The following STEAP3 variants were observed in gnomAD, a reference collection of about 807,000 sequenced individuals.
STEAP3 encodes STEAP3 metalloreductase.
In STEAP3, 35 loss-of-function variants were observed where a neutral mutation model predicts 34.9. The ratio of observed to expected loss-of-function variants is 1.00; its 90% CI spans 0.76 to 1.33. The LOEUF is 1.33. Among genes scored for constraint, STEAP3 ranks in the 40% most tolerant of loss-of-function variants. The pLI, the probability that STEAP3 is intolerant of heterozygous loss-of-function variation, is 0.00. For missense variants in STEAP3, 652 were observed against 667.6 expected (o/e 0.98, Z 0.26); for synonymous variants, 281 against 301.6 (o/e 0.93, Z 0.71).
At chr2:119,224,834 A>G (rs546916523) in intron 1 of STEAP3, among the ~76,000 whole-genome samples, 4 of 152,340 alleles carry the variant, frequency 2.6e-5, no homozygotes, top group African/African-American at 9.6e-5. Context: ...AAGGGCTTTG[A>G]GCACAATATC....
intron 4 of STEAP3, among the ~76,000 whole-genome samples, chr2:119,251,951 C>T (rs1867856): frequency 0.31 from 47,505 of 152,056 alleles, 8,895 homozygotes; most frequent in East Asian, 0.67. Flanking sequence ...ATTTTTCTTA[C>T]ACACTACTTC....
chr2:119,246,350 A>C, intron 3 of STEAP3: 1 of 248,582 alleles, frequency 4.0e-6, no homozygotes, highest in Non-Finnish European at 7.8e-6. Flanking sequence ...GGAAAGTAAC[A>C]CACTTATGTA....
At position 119,230,804 on chromosome 2, in the gene STEAP3, C is replaced by T. The variant is rs1330812860; in HGVS notation, c.-209C>T. On this transcript the variant is annotated 5_prime_UTR_variant, in exon 2 of 6. Transcript: ENST00000393110. ...CCAACCAAGCATCAGTCACCACTCC[C>T]GGTCCAGCCCCTGTGGCCAAGAGCT... 1.7e-5 allele frequency: 11 copies of T among 642,422 alleles called. No individual in the cohort carries two copies. The highest frequency in any genetic ancestry group is 7.1e-5 in the Admixed American group (3 of 42,542). The allele number at this position is 642,422 out of a possible 1,614,324, so 39.8% of individuals were successfully genotyped here.
At chr2:119,245,281 C>T (rs1322412396) in intron 2 of STEAP3, 2 of 622,710 alleles carry the variant, frequency 3.2e-6, no homozygotes, top group African/African-American at 3.6e-5. Flanking sequence ...GAAGTCATCC[C>T]TGCTCTTCCT....
chr2:119,237,178 T>C (rs1180100149), intron 2 of STEAP3, among the ~76,000 whole-genome samples: 1 of 152,176 alleles, frequency 6.6e-6, no homozygotes, highest in Non-Finnish European at 1.5e-5. Context: ...TCTGGATTTA[T>C]TCAGGATCAG....
intron 2 of STEAP3, 59 bp downstream of exon 2, chr2:119,231,093 C>T: frequency 6.2e-7 from 1 of 1,610,764 alleles, no homozygotes; most frequent in South Asian, 1.1e-5. Context: ...ACCCCTCCCA[C>T]CAGCTCCCTC....
At chr2:119,227,355 G>A (rs77599087) in intron 1 of STEAP3, among the ~76,000 whole-genome samples, 3,822 of 152,304 alleles carry the variant, frequency 0.025, 64 homozygotes, top group Middle Eastern at 0.11. Flanking sequence ...CTCTTCAGGT[G>A]TGGCCTGGTC....
intron 2 of STEAP3, among the ~76,000 whole-genome samples, chr2:119,231,738 A>T (rs781034546): frequency 3.3e-5 from 5 of 152,118 alleles, no homozygotes; most frequent in Non-Finnish European, 7.4e-5. Flanking sequence ...TAATTTTTTA[A>T]TGATGTCTAA....
At position 119,234,431 on chromosome 2, in the gene STEAP3, GC is replaced by G. The variant is rs537239405; in HGVS notation, c.22+3402del. Among the ~76,000 whole-genome samples, 657 of 152,296 alleles carry G rather than the reference GC, an allele frequency of 4.3e-3. 5 individuals are homozygous for G. The highest frequency in any genetic ancestry group is 0.015 in the African/African-American group (626 of 41,566). ...TTAACTGGCCCATAGGGAGCTGGCT[GC>G]CCCCACAAGCCAGCTCCCTGGCCTC... is the stretch of plus-strand genomic sequence containing the variant. On this transcript the variant is annotated intron_variant, in intron 2 of 5. Coordinates refer to ENST00000393110, the MANE Select transcript of STEAP3 (RefSeq NM_182915.3).
intron 3 of STEAP3, chr2:119,247,019 G>A (rs1234844109): frequency 6.6e-6 from 1 of 152,358 alleles, no homozygotes; most frequent in African/African-American, 2.4e-5. Flanking sequence ...TAGAGTAGGT[G>A]TTCAGTCTGT....
At chr2:119,243,819 G>C (rs748306940) in intron 2 of STEAP3, among the ~76,000 whole-genome samples, 2 of 152,168 alleles carry the variant, frequency 1.3e-5, no homozygotes, top group Non-Finnish European at 2.9e-5. Flanking sequence ...CCAGCCTCCT[G>C]GTTCCCCTGC....
intron 1 of STEAP3, among the ~76,000 whole-genome samples, chr2:119,230,218 C>G (rs1210898316): frequency 6.6e-6 from 1 of 152,212 alleles, no homozygotes; most frequent in Admixed American, 6.5e-5. Flanking sequence ...TTCCAAACCT[C>G]CAGCCTCCTT....
intron 1 of STEAP3, among the ~76,000 whole-genome samples, chr2:119,230,250 A>G (rs1676869625): frequency 1.3e-5 from 2 of 152,320 alleles, no homozygotes; most frequent in South Asian, 2.1e-4. Flanking sequence ...TGTGGCCTCC[A>G]AGGTCCACTG....
chr2:119,242,080 C>G (rs1158623134), intron 2 of STEAP3, among the ~76,000 whole-genome samples: 2 of 152,190 alleles, frequency 1.3e-5, no homozygotes, highest in Non-Finnish European at 1.5e-5. Flanking sequence ...CCAACCCACA[C>G]TAGATTGTAA....
rs766715060 is a variant in STEAP3 at position 119,248,135 on chromosome 2, G to A, written c.979G>A (p.Ala327Thr). 8.1e-6 allele frequency: 13 copies of A among 1,607,984 alleles called. No homozygotes were observed. The highest frequency in any genetic ancestry group is 3.3e-5 in the Admixed American group (2 of 59,964). ...CAGCTTCTTCTGCGCCGCCCTGCACGCCCTCTACAGCTTCTGCTTGCCGCT... is the reference window on the plus strand; with the variant it reads ...CAGCTTCTTCTGCGCCGCCCTGCACACCCTCTACAGCTTCTGCTTGCCGCT... ...LLSFFCAALH[A>T]LYSFCLPLRR... The change falls in exon 4 of 6, where the codon GCC becomes ACC. Residue 327 changes from alanine to threonine, a missense_variant. Ala to Thr is a moderately conservative substitution (Grantham distance 58). Coordinates refer to ENST00000393110, the MANE Select transcript of STEAP3 (RefSeq NM_182915.3).
intron 4 of STEAP3, among the ~76,000 whole-genome samples, chr2:119,250,912 G>C (rs1189270817): frequency 6.6e-6 from 1 of 152,198 alleles, no homozygotes; most frequent in South Asian, 2.1e-4. Flanking sequence ...GACACCGAAG[G>C]CCTCTCATGC....
intron 1 of STEAP3, among the ~76,000 whole-genome samples, chr2:119,224,162 C>G (rs976008490): frequency 6.6e-5 from 10 of 152,292 alleles, no homozygotes; most frequent in African/African-American, 2.4e-4. Flanking sequence ...TGGCGGGGAG[C>G]AGGCTCCGGA....
Position 119,264,355 on chromosome 2 carries a change from A to G in STEAP3, c.*1017A>G, listed in dbSNP as rs969973045. Reference sequence around the variant, plus strand: ...GACTGTCTTCACGAAGTCAGTCCTGAGGAAAAATATTGGGGACTCCAAATG... The same window carrying G: ...GACTGTCTTCACGAAGTCAGTCCTGGGGAAAAATATTGGGGACTCCAAATG... On this transcript the variant is annotated 3_prime_UTR_variant, in exon 6 of 6. Coordinates refer to ENST00000393110, the MANE Select transcript of STEAP3 (RefSeq NM_182915.3). 1.3e-5 allele frequency: 2 copies of G among 152,336 alleles called. No homozygotes were observed. The highest frequency in any genetic ancestry group is 2.9e-5 in the Non-Finnish European group (2 of 68,074). The allele number at this position is 152,336 out of a possible 1,614,324, so 9.4% of individuals were successfully genotyped here. A position where few individuals can be genotyped will look rare whatever the true frequency, so the allele number is the denominator to read the frequency against.
chr2:119,240,576 G>T (rs1677218483), intron 2 of STEAP3, among the ~76,000 whole-genome samples: 2 of 152,276 alleles, frequency 1.3e-5, no homozygotes, highest in South Asian at 4.1e-4. Context: ...GCAGACAGGA[G>T]CTGGCAGGCA....
Sources: gnomAD v4.1 joint callset for allele counts (sites outside exome capture counted in the v4.1 genomes callset) on GRCh38, gnomAD v4.1.1 for gene constraint, MANE v1.5 for transcripts, NCBI Gene and HGNC (gene_info 2026-07-23, HGNC 2026-07-21) for gene names.